The following ROBO2 variants were observed in gnomAD, a reference collection of about 807,000 sequenced individuals.
ROBO2 encodes roundabout guidance receptor 2.
ROBO2 carries 53 observed loss-of-function variants against 160.8 expected under a neutral mutation model. The observed-to-expected ratio is 0.33, with a 90% confidence interval of 0.26 to 0.41. The LOEUF is 0.41. Among genes scored for constraint, ROBO2 ranks in the 10% least tolerant of loss-of-function variants. The pLI, the probability that ROBO2 is intolerant of heterozygous loss-of-function variation, is 1.00. For missense variants in ROBO2, 1,577 were observed against 1,722.4 expected (o/e 0.92, Z 1.49); for synonymous variants, 664 against 611.7 (o/e 1.09, Z -1.26).
chr3:75,924,749 C>T (rs1422768642), intron 1 of ROBO2, among the ~76,000 whole-genome samples: 2 of 113,090 alleles, frequency 1.8e-5, no homozygotes, highest in Admixed American at 2.8e-4. Flanking sequence ...AGTGCAGTGG[C>T]ACGATCTCGG....
intron 2 of ROBO2, among the ~76,000 whole-genome samples, chr3:76,453,007 C>T: frequency 6.6e-6 from 1 of 152,170 alleles, no homozygotes; most frequent in Non-Finnish European, 1.5e-5. Flanking sequence ...CCTTTGCCCA[C>T]TTTTTGATGG....
chr3:76,016,907 A>G (rs1040233985), intron 2 of ROBO2, among the ~76,000 whole-genome samples: 4 of 152,178 alleles, frequency 2.6e-5, no homozygotes, highest in African/African-American at 9.7e-5. Context: ...GAGGGAACCC[A>G]TATAATGGAT....
chr3:76,435,880 A>G (rs1230703664), intron 2 of ROBO2, among the ~76,000 whole-genome samples: 1 of 152,160 alleles, frequency 6.6e-6, no homozygotes, highest in Admixed American at 6.5e-5. Flanking sequence ...GCTATAACCA[A>G]ACTCATTTTT....
intron 2 of ROBO2, among the ~76,000 whole-genome samples, chr3:76,679,105 CT>C (rs5850281): frequency 0.52 from 79,418 of 151,880 alleles, 21,294 homozygotes; most frequent in East Asian, 0.76. Flanking sequence ...TTTAACAGAG[CT>C]TTTTTGTGAC....
intron 2 of ROBO2, among the ~76,000 whole-genome samples, chr3:76,179,858 T>C (rs1701419389): frequency 6.6e-6 from 1 of 152,158 alleles, no homozygotes; most frequent in Admixed American, 6.6e-5. Context: ...ATAACACTTT[T>C]TATAAAGTGG....
chr3:76,248,945 T>C (rs778558172), intron 2 of ROBO2, among the ~76,000 whole-genome samples: 6 of 152,074 alleles, frequency 3.9e-5, no homozygotes, highest in Non-Finnish European at 7.4e-5. Flanking sequence ...TGTTCAATCA[T>C]CAAAATGTAA....
chr3:77,617,600 T>C, exon 22 of ROBO2: 1 of 1,614,150 alleles, frequency 6.2e-7, no homozygotes, highest in Non-Finnish European at 8.5e-7. Flanking sequence ...AAGATGATGA[T>C]AGGGTCCCAA....
At chr3:77,548,196 CCA>C (rs1476401092) in intron 7 of ROBO2, among the ~76,000 whole-genome samples, 5 of 151,532 alleles carry the variant, frequency 3.3e-5, no homozygotes, top group African/African-American at 1.2e-4. Context: ...AATTCAAAAT[CCA>C]GTTTCCTCCT....
At chr3:76,580,753 G>A (rs1014309119) in intron 2 of ROBO2, among the ~76,000 whole-genome samples, 8 of 151,980 alleles carry the variant, frequency 5.3e-5, no homozygotes, top group African/African-American at 1.9e-4. Flanking sequence ...CCACCAATTT[G>A]TTTGATAATA....
intron 1 of ROBO2, among the ~76,000 whole-genome samples, chr3:77,045,968 C>T (rs1406129658): frequency 2.0e-5 from 3 of 152,146 alleles, no homozygotes; most frequent in Non-Finnish European, 2.9e-5. Context: ...TTTTTTATTG[C>T]CAAACAATAT....
intron 2 of ROBO2, among the ~76,000 whole-genome samples, chr3:76,793,756 C>T (rs904071152): frequency 6.6e-6 from 1 of 151,762 alleles, no homozygotes; most frequent in Non-Finnish European, 1.5e-5. Flanking sequence ...CATCACTCTG[C>T]TATTTCTGTA....
intron 2 of ROBO2, among the ~76,000 whole-genome samples, chr3:77,246,461 G>A (rs1324149446): frequency 1.3e-5 from 2 of 151,856 alleles, no homozygotes; most frequent in African/African-American, 4.8e-5. Flanking sequence ...ATGTGGGTTG[G>A]ATCAATCCTT....
chr3:76,709,959 C>T (rs2093255460), intron 2 of ROBO2, among the ~76,000 whole-genome samples: 1 of 151,942 alleles, frequency 6.6e-6, no homozygotes, highest in Non-Finnish European at 1.5e-5. Flanking sequence ...GCAAAGGCTG[C>T]AGATCTCAAC....
intron 2 of ROBO2, among the ~76,000 whole-genome samples, chr3:76,375,416 T>C (rs910601163): frequency 5.3e-5 from 8 of 152,000 alleles, no homozygotes; most frequent in Admixed American, 2.6e-4. Context: ...CTTCCACGCA[T>C]GCAGTCATGT....
intron 2 of ROBO2, among the ~76,000 whole-genome samples, chr3:76,068,616 A>G (rs2068341375): frequency 6.6e-6 from 1 of 152,152 alleles, no homozygotes; most frequent in African/African-American, 2.4e-5. Context: ...CAAACATGCT[A>G]CAATTATTCT....
At chr3:77,291,218 C>G (rs1283530083) in intron 2 of ROBO2, among the ~76,000 whole-genome samples, 2 of 151,286 alleles carry the variant, frequency 1.3e-5, no homozygotes. Context: ...TAAGCTGAGG[C>G]TAGAGCACTA....
chr3:76,731,474 A>G (rs2093636820), intron 2 of ROBO2, among the ~76,000 whole-genome samples: 1 of 152,022 alleles, frequency 6.6e-6, no homozygotes, highest in Non-Finnish European at 1.5e-5. Context: ...CAATTCTAGG[A>G]CACAAAATGT....
chr3:77,227,903 C>G (rs928978579), intron 2 of ROBO2, among the ~76,000 whole-genome samples: 1 of 152,204 alleles, frequency 6.6e-6, no homozygotes, highest in African/African-American at 2.4e-5. Context: ...CCCTTGTAAA[C>G]ACAGACATAA....
chr3:76,564,855 T>C (rs1156691442), intron 2 of ROBO2, among the ~76,000 whole-genome samples: 4 of 152,154 alleles, frequency 2.6e-5, no homozygotes, highest in Admixed American at 2.6e-4. Flanking sequence ...TTGCATTGTG[T>C]GGGATTTTGT....
Sources: allele counts gnomAD v4.1 joint callset (sites outside exome capture counted in the v4.1 genomes callset), GRCh38; gene constraint gnomAD v4.1.1; transcripts MANE v1.5; gene names NCBI Gene and HGNC (gene_info 2026-07-23, HGNC 2026-07-21).